The following B3GALT1 variants were observed in gnomAD, a reference collection of about 807,000 sequenced individuals.
The protein encoded by B3GALT1 is beta-1,3-galactosyltransferase 1.
A neutral mutation model predicts 23.2 loss-of-function variants in B3GALT1; 10 were observed. The ratio of observed to expected loss-of-function variants is 0.43; its 90% CI spans 0.27 to 0.73. The LOEUF (loss-of-function observed/expected upper bound fraction) is 0.73, where lower values mean the gene tolerates loss of function less well. Among genes scored for constraint, B3GALT1 ranks in the 30% least tolerant of loss-of-function variants. The pLI is 0.21. For synonymous variants in B3GALT1, 156 were observed against 141.5 expected, an observed-to-expected ratio of 1.10 and a Z score of -0.73; for missense variants, 299 against 405.4, an observed-to-expected ratio of 0.74 and a Z score of 2.25.
At chr2:167,480,902 A>C (rs1335650060) in intron 1 of B3GALT1, among the ~76,000 whole-genome samples, 1 of 152,058 alleles carries the variant, frequency 6.6e-6, no homozygotes, top group Admixed American at 6.6e-5. Flanking sequence ...CACTTTCCCT[A>C]TCTCTCCTCT....
intron 3 of B3GALT1, among the ~76,000 whole-genome samples, chr2:167,688,301 A>G (rs1686650001): frequency 6.6e-6 from 1 of 152,190 alleles, no homozygotes; most frequent in South Asian, 2.1e-4. Context: ...GACAATCAAT[A>G]GATACTAAAA....
intron 2 of B3GALT1, among the ~76,000 whole-genome samples, chr2:167,555,118 G>A (rs1683820193): frequency 6.6e-6 from 1 of 152,170 alleles, no homozygotes; most frequent in Admixed American, 6.5e-5. Flanking sequence ...GGACTGCTAT[G>A]TATATGCTTC....
chr2:167,777,344 ATTG>A (rs1688178025), intron 3 of B3GALT1, among the ~76,000 whole-genome samples: 1 of 152,190 alleles, frequency 6.6e-6, no homozygotes, highest in East Asian at 1.9e-4. Context: ...AACTTCTTAT[ATTG>A]TTGTTGTTTT....
At chr2:167,330,064 G>A (rs751377115) in intron 1 of B3GALT1, among the ~76,000 whole-genome samples, 13 of 151,970 alleles carry the variant, frequency 8.6e-5, no homozygotes, top group Non-Finnish European at 1.9e-4. Context: ...TAAATCTCTT[G>A]CTAGACTTGG....
At chr2:167,522,971 A>C (rs1367140671) in intron 2 of B3GALT1, among the ~76,000 whole-genome samples, 2 of 152,100 alleles carry the variant, frequency 1.3e-5, no homozygotes, top group Non-Finnish European at 2.9e-5. Context: ...CCAATCTAGG[A>C]CCAGCCAAGA....
At chr2:167,656,373 CA>C (rs1685956188) in intron 3 of B3GALT1, among the ~76,000 whole-genome samples, 1 of 152,152 alleles carries the variant, frequency 6.6e-6, no homozygotes, top group South Asian at 2.1e-4. Flanking sequence ...AAAGTGACGA[CA>C]GCAAATTTAG....
chr2:167,307,304 G>A (rs1240663270), intron 1 of B3GALT1, among the ~76,000 whole-genome samples: 1 of 151,936 alleles, frequency 6.6e-6, no homozygotes, highest in East Asian at 1.9e-4. Flanking sequence ...TTATTGAAAT[G>A]CATTTTATAT....
At chr2:167,716,054 G>C (rs1382653373) in intron 3 of B3GALT1, 2 of 1,593,734 alleles carry the variant, frequency 1.3e-6, no homozygotes, top group African/African-American at 2.7e-5. Context: ...CGGTAGCGCC[G>C]GGCTCCTCCA....
chr2:167,397,439 CTTT>C (rs1270872248), intron 1 of B3GALT1, among the ~76,000 whole-genome samples: 2 of 152,038 alleles, frequency 1.3e-5, no homozygotes, highest in African/African-American at 4.8e-5. Flanking sequence ...GGAGAATCTT[CTTT>C]CTCTCAACTC....
intron 1 of B3GALT1, among the ~76,000 whole-genome samples, chr2:167,297,890 C>T (rs1454261375): frequency 6.6e-6 from 1 of 152,086 alleles, no homozygotes; most frequent in African/African-American, 2.4e-5. Context: ...GTACATCATT[C>T]AAGAAAAGCC....
intron 1 of B3GALT1, among the ~76,000 whole-genome samples, chr2:167,368,507 T>A (rs1164758963): frequency 6.6e-6 from 1 of 152,214 alleles, no homozygotes; most frequent in African/African-American, 2.4e-5. Context: ...AAGACTGCTA[T>A]GATCACTTCA....
intron 1 of B3GALT1, among the ~76,000 whole-genome samples, chr2:167,304,196 G>GCT (rs1273896512): frequency 2.0e-5 from 3 of 152,152 alleles, no homozygotes; most frequent in Non-Finnish European, 4.4e-5. Flanking sequence ...AGGAGATAAA[G>GCT]CTCTCCTTCA....
intron 1 of B3GALT1, among the ~76,000 whole-genome samples, chr2:167,364,790 C>G (rs1242708297): frequency 6.6e-6 from 1 of 152,026 alleles, no homozygotes; most frequent in African/African-American, 2.4e-5. Flanking sequence ...GATATGAACT[C>G]ATTTCTTCTT....
chr2:167,354,858 T>C (rs1697377146), intron 1 of B3GALT1, among the ~76,000 whole-genome samples: 1 of 152,224 alleles, frequency 6.6e-6, no homozygotes, highest in Non-Finnish European at 1.5e-5. Flanking sequence ...CGCAGTCTAA[T>C]TCTAACATAT....
intron 4 of B3GALT1, among the ~76,000 whole-genome samples, chr2:167,835,955 G>A (rs1045405410): frequency 1.3e-5 from 2 of 152,172 alleles, no homozygotes; most frequent in African/African-American, 4.8e-5. Context: ...CAACAGACCT[G>A]CAGCTGAGGG....
chr2:167,319,296 C>T (rs923024350), intron 1 of B3GALT1, among the ~76,000 whole-genome samples: 2 of 152,074 alleles, frequency 1.3e-5, no homozygotes, highest in South Asian at 2.1e-4. Context: ...TAAATGTTCC[C>T]TGCTTTCCTC....
chr2:167,614,611 C>A (rs2105434543), intron 2 of B3GALT1, among the ~76,000 whole-genome samples: 1 of 151,968 alleles, frequency 6.6e-6, no homozygotes, highest in South Asian at 2.1e-4. Flanking sequence ...CAAGTAGGCT[C>A]ATTAAAATGT....
chr2:167,510,859 G>C (rs1473004417), intron 2 of B3GALT1, among the ~76,000 whole-genome samples: 1 of 152,080 alleles, frequency 6.6e-6, no homozygotes, highest in East Asian at 1.9e-4. Flanking sequence ...GAGATATCTG[G>C]AGTATAGGTA....
At chr2:167,295,523 A>G (rs1262239820) in intron 1 of B3GALT1, among the ~76,000 whole-genome samples, 1 of 152,230 alleles carries the variant, frequency 6.6e-6, no homozygotes, top group Non-Finnish European at 1.5e-5. Flanking sequence ...AAATAGGATT[A>G]AAGTGTGTTA....
Sources: gnomAD v4.1 joint callset for allele counts (sites outside exome capture counted in the v4.1 genomes callset) on GRCh38, gnomAD v4.1.1 for gene constraint, MANE v1.5 for transcripts, NCBI Gene and HGNC (gene_info 2026-07-23, HGNC 2026-07-21) for gene names.